The following BARD1 variants were observed in gnomAD, a reference collection of about 807,000 sequenced individuals.
BARD1 encodes BRCA1 associated RING domain 1.
Under a neutral mutation model 77.0 loss-of-function variants are expected in BARD1, and 73 were observed. The observed-to-expected ratio is 0.95, with a 90% CI of 0.79 to 1.15. The LOEUF (loss-of-function observed/expected upper bound fraction) is 1.15. Ranked by LOEUF, BARD1 falls within the 50% of genes most tolerant of loss-of-function variation. BARD1 has a pLI of 0.00. For synonymous variants in BARD1, 384 were observed against 338.0 expected, an observed-to-expected ratio of 1.14 and a Z score of -1.49; for missense variants, 993 against 938.8, an observed-to-expected ratio of 1.06 and a Z score of -0.75.
At chr2:214,789,299 G>A (rs995503784) in intron 3 of BARD1, among the ~76,000 whole-genome samples, 1 of 151,860 alleles carries the variant, frequency 6.6e-6, no homozygotes, top group Admixed American at 6.6e-5. Flanking sequence ...GGGAGGTCGA[G>A]GTGGGAGAAT....
rs3768705 is a variant in BARD1, at chr2:214,786,226, T to C, written c.365-4717A>G. On this transcript the variant is annotated intron_variant, in intron 3 of 10. Coordinates refer to ENST00000260947, the MANE Select transcript of BARD1 (RefSeq NM_000465.4). ...GGTGATTATTACTGAGAACTTTTAA[T>C]ACTTAAGAGATACAACATTATTTTC... Among the ~76,000 whole-genome samples, 144 of 152,228 alleles carry C rather than the reference T, an allele frequency of 9.5e-4. 3 individuals are homozygous for C. In the East Asian group the frequency reaches 0.025, roughly 26 times the overall value.
At chr2:214,732,105 T>G (rs1692381199) in intron 9 of BARD1, among the ~76,000 whole-genome samples, 1 of 152,206 alleles carries the variant, frequency 6.6e-6, no homozygotes. Context: ...TAGACATATA[T>G]GTTGGATATA....
chr2:214,790,282 T>C (rs966378431), intron 3 of BARD1, among the ~76,000 whole-genome samples: 1 of 152,132 alleles, frequency 6.6e-6, no homozygotes, highest in Non-Finnish European at 1.5e-5. Context: ...AATTCACATG[T>C]TGAGGTCCTA....
At chr2:214,732,283 T>G (rs914329225) in intron 9 of BARD1, among the ~76,000 whole-genome samples, 2 of 152,220 alleles carry the variant, frequency 1.3e-5, no homozygotes, top group Non-Finnish European at 2.9e-5. Context: ...AAAGGGTGGC[T>G]AAGAACCAAC....
At chr2:214,806,454 G>A (rs1696274830) in intron 1 of BARD1, among the ~76,000 whole-genome samples, 1 of 152,208 alleles carries the variant, frequency 6.6e-6, no homozygotes, top group African/African-American at 2.4e-5. Context: ...CAGGGCAAAG[G>A]CAGAGGTAGG....
intron 7 of BARD1, among the ~76,000 whole-genome samples, chr2:214,747,588 C>CA (rs1423216214): frequency 6.6e-6 from 1 of 151,116 alleles, no homozygotes; most frequent in Non-Finnish European, 1.5e-5. Context: ...CCATCATTCT[C>CA]AGCAAACTAT....
At chr2:214,787,751 A>C (rs973608252) in intron 3 of BARD1, among the ~76,000 whole-genome samples, 1 of 152,004 alleles carries the variant, frequency 6.6e-6, no homozygotes, top group Non-Finnish European at 1.5e-5. Flanking sequence ...TTTTTCTTAC[A>C]ATTTAATAAT....
rs374208323 is a variant in BARD1, at chr2:214,733,578, C to G, written c.1904-3070G>C. On this transcript the variant is annotated intron_variant, in intron 9 of 10. Transcript: ENST00000260947. ...TATCATGTACAAGAGAAGTCATAATCTCTTCCCTAAGAAGAAAATTCCTGC... is the reference window on the plus strand; with the variant it reads ...TATCATGTACAAGAGAAGTCATAATGTCTTCCCTAAGAAGAAAATTCCTGC... 1.5e-4 allele frequency among the ~76,000 whole-genome samples: 23 copies of G among 152,236 alleles called. No individual in the cohort carries two copies. The East Asian group carries it at 3.5e-3, about 23-fold the overall frequency.
chr2:214,734,103 T>C (rs911551835), intron 9 of BARD1, among the ~76,000 whole-genome samples: 1 of 152,136 alleles, frequency 6.6e-6, no homozygotes, highest in African/African-American at 2.4e-5. Context: ...GCAAAGATAA[T>C]AGGTTTTTTG....
chr2:214,799,684 G>T (rs1311839735), intron 1 of BARD1, among the ~76,000 whole-genome samples: 1 of 152,074 alleles, frequency 6.6e-6, no homozygotes, highest in African/African-American at 2.4e-5. Context: ...ATCTACACAT[G>T]AACAGGTAAT....
intron 6 of BARD1, among the ~76,000 whole-genome samples, chr2:214,756,616 GGTGT>G (rs1693705368): frequency 6.6e-6 from 1 of 152,090 alleles, no homozygotes; most frequent in Admixed American, 6.6e-5. Context: ...AAGAAACTGT[GGTGT>G]ATATATACAA....
At chr2:214,774,276 G>C (rs909382899) in intron 4 of BARD1, among the ~76,000 whole-genome samples, 1 of 152,094 alleles carries the variant, frequency 6.6e-6, no homozygotes, top group African/African-American at 2.4e-5. Flanking sequence ...AATCATCAAT[G>C]ATATTAATGG....
intron 4 of BARD1, among the ~76,000 whole-genome samples, chr2:214,777,750 G>A (rs905720243): frequency 6.6e-6 from 1 of 152,150 alleles, no homozygotes; most frequent in African/African-American, 2.4e-5. Context: ...CCATTTTATA[G>A]TAGCTTTAAC....
In BARD1 at chr2:214,757,290, G is replaced by GT. The variant is rs1326532522; in HGVS notation, c.1569-4736dup. 7.1e-3 allele frequency among the ~76,000 whole-genome samples: 1,021 copies of GT among 144,712 alleles called. 5 individuals are homozygous for GT. Among genetic ancestry groups the GT allele is most frequent in the African/African-American group, 0.017 (674 of 39,708 alleles). The allele number at this position is 144,712 out of a possible 152,430, so 94.9% of individuals were successfully genotyped here. The stretch of plus-strand genomic sequence containing the variant: ...CACAGTACACTGGCAGATTTCACCA[G>GT]TTTTTTTTTTTTCTAATGTACTCTT... On this transcript the variant is annotated intron_variant, in intron 6 of 10. Transcript: ENST00000260947.
chr2:214,808,272 G>A (rs1215094041), intron 1 of BARD1, among the ~76,000 whole-genome samples: 2 of 152,210 alleles, frequency 1.3e-5, no homozygotes, highest in Non-Finnish European at 2.9e-5. Flanking sequence ...AGCCGGGCAT[G>A]ATGGCGGGCG....
intron 9 of BARD1, among the ~76,000 whole-genome samples, chr2:214,737,416 T>TCA (rs1211279568): frequency 1.3e-5 from 2 of 152,126 alleles, no homozygotes; most frequent in Admixed American, 6.6e-5. Context: ...ATCCTCCATG[T>TCA]CACAGATCAA....
chr2:214,806,261 G>A (rs1415463834), intron 1 of BARD1, among the ~76,000 whole-genome samples: 1 of 152,200 alleles, frequency 6.6e-6, no homozygotes, highest in Non-Finnish European at 1.5e-5. Context: ...GCAGATGTCA[G>A]CTGCAAGCTG....
At chr2:214,785,037 A>G (rs1695210082) in intron 3 of BARD1, among the ~76,000 whole-genome samples, 1 of 149,460 alleles carries the variant, frequency 6.7e-6, no homozygotes, top group African/African-American at 2.5e-5. Flanking sequence ...AAAAAAAAAG[A>G]AAGAAAGCCA....
At chr2:214,731,513 G>A (rs1692355582) in intron 9 of BARD1, among the ~76,000 whole-genome samples, 1 of 152,192 alleles carries the variant, frequency 6.6e-6, no homozygotes, top group Non-Finnish European at 1.5e-5. Context: ...GCAGTTGAAG[G>A]ACTTGGCTAT....
Sources: gnomAD v4.1 joint callset for allele counts (sites outside exome capture counted in the v4.1 genomes callset) on GRCh38, gnomAD v4.1.1 for gene constraint, MANE v1.5 for transcripts, NCBI Gene and HGNC (gene_info 2026-07-23, HGNC 2026-07-21) for gene names.